The following CDH23 variants were observed in gnomAD, a reference collection of about 807,000 sequenced individuals.
The protein encoded by CDH23 is cadherin-23.
A neutral mutation model predicts 317.1 loss-of-function variants in CDH23; 189 were observed. That is an observed-to-expected ratio of 0.60 (90% CI 0.53 to 0.67). CDH23 has a LOEUF of 0.67. CDH23 is among the 30% of genes least tolerant of loss of function. The probability of loss-of-function intolerance (pLI) is 0.00; values close to 1 mark genes in which losing one functional copy is unlikely to be tolerated. For synonymous variants in CDH23, 1,839 were observed against 1,876.8 expected (o/e 0.98, Z 0.52); for missense variants, 4,401 against 4,592.4 (o/e 0.96, Z 1.20).
Position 71,799,560 on chromosome 10 carries a change from A to G in CDH23, c.7293A>G (p.Ser2431=), listed in dbSNP as rs756753158. ...ILTVTATDAD[S]GNFALIEYSL... is the part of the protein sequence containing the mutation. Reference sequence around the variant, plus strand: ...CAGTCACTGCCACTGATGCTGACTCAGGCAACTTTGCACTCATTGAGTACA... The same window carrying G: ...CAGTCACTGCCACTGATGCTGACTCGGGCAACTTTGCACTCATTGAGTACA... The change falls in exon 52 of 70, where the codon TCA becomes TCG. Residue 2431 remains serine (S), a synonymous_variant. Transcript: ENST00000224721. The G allele has an allele frequency of 7.4e-6, 12 of 1,613,942 alleles. No homozygotes were observed. The highest frequency in any genetic ancestry group is 9.3e-6 in the Non-Finnish European group (11 of 1,179,894).
At chr10:71,605,961 C>T (rs1589255873) in intron 9 of CDH23, among the ~76,000 whole-genome samples, 2 of 152,222 alleles carry the variant, frequency 1.3e-5, no homozygotes, top group African/African-American at 4.8e-5. Context: ...TGGTCCCCAT[C>T]AAAACATCCT....
chr10:71,667,359 AGTGTGT>A (rs67337082), intron 14 of CDH23, among the ~76,000 whole-genome samples: 20 of 112,116 alleles, frequency 1.8e-4, no homozygotes, highest in Admixed American at 3.5e-4. Context: ...AGAGAGAGAG[AGTGTGT>A]GTGTGTGTGT....
rs1841717352 is a variant in CDH23, at chr10:71,806,257, C to T, written c.8154C>T (p.Asn2718=). The part of the protein sequence containing the change: ...LQVALEDIDD[N]EPLFVRPPKG... ...TGGCCCTGGAGGACATCGATGACAA[C>T]GAACCCCTTTTCGTGAGGCCTCCAG... Residue 2718 remains asparagine, a synonymous_variant, in exon 57 of 70, where the codon AAC becomes AAT. Coordinates refer to ENST00000224721, the MANE Select transcript of CDH23 (RefSeq NM_022124.6). 4 of 1,566,784 alleles carry T rather than the reference C, an allele frequency of 2.6e-6. No homozygotes were observed. The highest frequency in any genetic ancestry group is 2.6e-6 in the Non-Finnish European group (3 of 1,156,106).
At chr10:71,659,193 A>G (rs1296529085) in intron 14 of CDH23, among the ~76,000 whole-genome samples, 1 of 152,208 alleles carries the variant, frequency 6.6e-6, no homozygotes, top group East Asian at 1.9e-4. Flanking sequence ...GCCAGGGGAC[A>G]ATGGGCAGCT....
intron 11 of CDH23, among the ~76,000 whole-genome samples, chr10:71,636,742 T>C (rs1862295079): frequency 6.6e-6 from 1 of 152,096 alleles, no homozygotes; most frequent in Non-Finnish European, 1.5e-5. Context: ...GATGAAAGCC[T>C]GAAATGAGGG....
At chr10:71,585,891 A>G (rs1265091319) in intron 9 of CDH23, among the ~76,000 whole-genome samples, 1 of 152,102 alleles carries the variant, frequency 6.6e-6, no homozygotes, top group Non-Finnish European at 1.5e-5. Context: ...CTTCCTTCCC[A>G]TAAATAACAC....
At chr10:71,721,729 C>A (rs1251199591) in intron 28 of CDH23, among the ~76,000 whole-genome samples, 1 of 152,212 alleles carries the variant, frequency 6.6e-6, no homozygotes, top group Non-Finnish European at 1.5e-5. Flanking sequence ...CTCGCTCTGC[C>A]TTCATACCAC....
chr10:71,458,365 G>T (rs2132053481), intron 3 of CDH23, among the ~76,000 whole-genome samples: 1 of 152,362 alleles, frequency 6.6e-6, no homozygotes, highest in South Asian at 2.1e-4. Context: ...CATGGAGTGG[G>T]AGGCACAAGG....
intron 34 of CDH23, among the ~76,000 whole-genome samples, chr10:71,736,916 A>T (rs1839582976): frequency 6.6e-6 from 1 of 152,210 alleles, no homozygotes; most frequent in Non-Finnish European, 1.5e-5. Context: ...GAAGGGACTC[A>T]AGCTGAGAGC....
intron 6 of CDH23, among the ~76,000 whole-genome samples, chr10:71,521,916 A>C (rs1317469133): frequency 6.6e-6 from 1 of 152,108 alleles, no homozygotes; most frequent in Non-Finnish European, 1.5e-5. Flanking sequence ...ACCTGCAGAC[A>C]GGGGCGGTCG....
At chr10:71,518,188 C>G (rs989254971) in intron 6 of CDH23, among the ~76,000 whole-genome samples, 1 of 152,104 alleles carries the variant, frequency 6.6e-6, no homozygotes, top group African/African-American at 2.4e-5. Context: ...TTATTCTTTT[C>G]ATTTTATATA....
chr10:71,646,967 C>T lies in CDH23; in HGVS notation c.1449+350C>T, dbSNP rs189566464. ...GCCAGCCATCCTTGAGAAGGGCAAC[C>T]CTCTCCATGTGAGCACAGGCACCAG... On this transcript the variant is annotated intron_variant, in intron 14 of 69. Coordinates refer to ENST00000224721, the MANE Select transcript of CDH23 (RefSeq NM_022124.6). 3.4e-4 allele frequency: 334 copies of T among 985,332 alleles called. 1 individual carries two copies. In the African/African-American group the frequency reaches 5.4e-3, roughly 16 times the overall value. 61.0% of individuals were successfully genotyped at this position (985,332 alleles called of 1,614,324 possible). A position where few individuals can be genotyped will look rare whatever the true frequency, so the allele number is the denominator to read the frequency against.
In CDH23 at chr10:71,677,591, T is replaced by C. The variant is rs370626803; in HGVS notation, c.1650T>C (p.Asn550=). The C allele has an allele frequency of 2.2e-5, 36 of 1,608,550 alleles. No homozygotes were observed. Among genetic ancestry groups the C allele is most frequent in the Admixed American group, 3.4e-5 (2 of 59,320 alleles). ...GEETTGRVRI[N]VLDVNDNVPT... ...AGACCACAGGCCGGGTCAGGATCAA[T>C]GTGTTGGATGTCAACGACAACGTGC... The change falls in exon 16 of 70, where the codon AAT becomes AAC. Residue 550 remains asparagine (N), a synonymous_variant. Transcript: ENST00000224721.
At chr10:71,456,332 C>T (rs1331516511) in intron 3 of CDH23, among the ~76,000 whole-genome samples, 3 of 151,760 alleles carry the variant, frequency 2.0e-5, no homozygotes, top group Non-Finnish European at 2.9e-5. Context: ...ACAGAACCCC[C>T]AGGAGGGCTT....
intron 38 of CDH23, chr10:71,773,251 T>C: frequency 7.7e-7 from 1 of 1,298,748 alleles, no homozygotes; most frequent in Non-Finnish European, 1.1e-6. Flanking sequence ...GGGTGCACGG[T>C]CACACAGGCT....
chr10:71,685,433 C>T (rs571499429), intron 18 of CDH23, among the ~76,000 whole-genome samples: 1 of 152,224 alleles, frequency 6.6e-6, no homozygotes, highest in African/African-American at 2.4e-5. Flanking sequence ...GGGGCCGGAG[C>T]ATGCAGAGAG....
chr10:71,739,450 T>C (rs1180844852), intron 35 of CDH23, among the ~76,000 whole-genome samples, 194 bp from the exon 36 acceptor site: 2 of 152,214 alleles, frequency 1.3e-5, no homozygotes, highest in African/African-American at 4.8e-5. Context: ...CCATGGGTGC[T>C]ACACTACCTC....
chr10:71,732,311 C>T lies in CDH23; in HGVS notation c.4040C>T (p.Thr1347Met), dbSNP rs371125497. The change falls in exon 32 of 70, where the codon ACG becomes ATG. Residue 1347 changes from threonine (T) to methionine (M), a missense_variant. Physicochemically the swap from Thr to Met is moderately conservative, Grantham distance 81. This residue lies in a region of CDH23 where 3,068 missense variants were observed against 3,203.3 expected (regional missense o/e 0.96). Transcript: ENST00000224721. ...AYSIDNLNQITYRFNAYTSTQ... is the reference protein window; with the variant it reads ...AYSIDNLNQIMYRFNAYTSTQ... ...TCCATCGACAACCTCAACCAAATCA[C>T]GTACCGCTTCAACGCCTACACCAGC... 4.0e-5 allele frequency: 65 copies of T among 1,606,954 alleles called. No individual in the cohort carries two copies. In the African/African-American group the frequency reaches 6.1e-4, roughly 15 times the overall value.
chr10:71,790,314 C>T lies in CDH23; in HGVS notation c.5950C>T (p.Pro1984Ser), dbSNP rs1411382554. Residue 1984 changes from proline to serine, a missense_variant, in exon 46 of 70, where the codon CCC becomes TCC. Transcript: ENST00000224721. ...CACCCCTCTCACGGTGCTCAATGGGCCCATCCTGGCCCTGGATGCAGACCA... is the reference window on the plus strand; with the variant it reads ...CACCCCTCTCACGGTGCTCAATGGGTCCATCCTGGCCCTGGATGCAGACCA... ...AGTPLTVLNG[P>S]ILALDADQDI... 6.2e-7 allele frequency: 1 copy of T among 1,613,746 alleles called. No homozygotes were observed. The highest frequency in any genetic ancestry group is 1.7e-5 in the Admixed American group (1 of 60,008).
Sources: gnomAD v4.1 joint callset for allele counts (sites outside exome capture counted in the v4.1 genomes callset) on GRCh38, gnomAD v4.1.1 for gene constraint, gnomAD v4.1.1 regional missense constraint, MANE v1.5 for transcripts, NCBI Gene and HGNC (gene_info 2026-07-23, HGNC 2026-07-21) for gene names.